The following SLIT2 variants were observed in gnomAD, a reference collection of about 807,000 sequenced individuals.
SLIT2 encodes the protein slit guidance ligand 2, also known as slit homolog 2 protein.
SLIT2 carries 41 observed loss-of-function variants against 185.7 expected under a neutral mutation model. The observed-to-expected ratio is 0.22, with a 90% CI of 0.17 to 0.29. SLIT2 has a LOEUF of 0.29. SLIT2 is among the 10% of genes least tolerant of loss of function. The pLI, the probability that SLIT2 is intolerant of heterozygous loss-of-function variation, is 1.00. For synonymous variants in SLIT2, 693 were observed against 680.2 expected (o/e 1.02, Z -0.29); for missense variants, 1,571 against 1,909.0 (o/e 0.82, Z 3.30).
At position 20,576,638 on chromosome 4, in the gene SLIT2, T is replaced by C. The variant is rs140496614; in HGVS notation, c.3088+7634T>C. 5.0e-3 allele frequency among the ~76,000 whole-genome samples: 766 copies of C among 152,326 alleles called. 9 individuals are homozygous for C. The highest frequency in any genetic ancestry group is 0.017 in the African/African-American group (720 of 41,582). On this transcript the variant is annotated intron_variant, in intron 29 of 36. Transcript: ENST00000504154. Reference sequence around the variant, plus strand: ...GAAACGTTAAGTTGCCATCTGTTTTTACTAGAGAGAATACTTTGGCAGCCT... The same window carrying C: ...GAAACGTTAAGTTGCCATCTGTTTTCACTAGAGAGAATACTTTGGCAGCCT...
intron 4 of SLIT2, among the ~76,000 whole-genome samples, chr4:20,328,413 G>C (rs1183981961): frequency 6.6e-6 from 1 of 151,950 alleles, no homozygotes; most frequent in Non-Finnish European, 1.5e-5. Context: ...CAAATAATTA[G>C]TTTTTGAATT....
chr4:20,586,499 C>T (rs1448414275), intron 29 of SLIT2, among the ~76,000 whole-genome samples: 3 of 152,048 alleles, frequency 2.0e-5, no homozygotes, highest in Non-Finnish European at 2.9e-5. Context: ...ATTTTACAGT[C>T]GAGAAAAGAG....
At chr4:20,617,763 G>A in intron 36 of SLIT2, 113 bp downstream of exon 36, 1 of 698,220 alleles carries the variant, frequency 1.4e-6, no homozygotes, top group East Asian at 2.7e-5. Flanking sequence ...GAGCAACAGA[G>A]ACAGAGAGAG....
chr4:20,315,927 T>G (rs1718537979), intron 4 of SLIT2, among the ~76,000 whole-genome samples: 1 of 152,038 alleles, frequency 6.6e-6, no homozygotes, highest in Non-Finnish European at 1.5e-5. Flanking sequence ...TGAGGGCCAT[T>G]ACATCCACGG....
intron 4 of SLIT2, among the ~76,000 whole-genome samples, chr4:20,408,961 A>T (rs1726988759): frequency 6.6e-6 from 1 of 151,402 alleles, no homozygotes; most frequent in East Asian, 2.0e-4. Context: ...CACCTCCCAT[A>T]TGCACTTGTG....
chr4:20,554,174 A>G (rs756103215), intron 26 of SLIT2: 59 of 607,014 alleles, frequency 9.7e-5, no homozygotes, highest in Non-Finnish European at 1.6e-4. Flanking sequence ...GAAATAGTCC[A>G]TTGGTAATGA....
At chr4:20,567,740 A>G (rs927289054) in intron 28 of SLIT2, 125 bp downstream of exon 28, 1 of 721,898 alleles carries the variant, frequency 1.4e-6, no homozygotes, top group African/African-American at 1.7e-5. Context: ...AAATGGCAAT[A>G]TGTATTGGTC....
chr4:20,471,773 A>G (rs1411055975), intron 5 of SLIT2, among the ~76,000 whole-genome samples: 1 of 152,172 alleles, frequency 6.6e-6, no homozygotes, highest in Non-Finnish European at 1.5e-5. Flanking sequence ...GAAATTTTGC[A>G]GATTAGCAGA....
At chr4:20,294,081 C>T (rs1007757950) in intron 4 of SLIT2, among the ~76,000 whole-genome samples, 1 of 152,012 alleles carries the variant, frequency 6.6e-6, no homozygotes, top group African/African-American at 2.4e-5. Context: ...GGTGTGGTGG[C>T]TCATGCCTGT....
At position 20,330,416 on chromosome 4, in the gene SLIT2, T is replaced by C. The variant is rs545595707; in HGVS notation, c.395+61535T>C. Among the ~76,000 whole-genome samples, 4 of 152,234 alleles carry C rather than the reference T, an allele frequency of 2.6e-5. No individual in the cohort carries two copies. The South Asian group carries it at 8.3e-4, about 32-fold the overall frequency. On this transcript the variant is annotated intron_variant, in intron 4 of 36. Coordinates refer to ENST00000504154, the MANE Select transcript of SLIT2 (RefSeq NM_004787.4). The stretch of plus-strand genomic sequence containing the variant: ...GATGTGGTCGGTGTTAGACTAGCAC[T>C]ATTGTGAATTACTCCTCACTATAAC...
chr4:20,360,209 T>C (rs1285647575), intron 4 of SLIT2, among the ~76,000 whole-genome samples: 1 of 152,160 alleles, frequency 6.6e-6, no homozygotes, highest in Non-Finnish European at 1.5e-5. Context: ...TCAATAAATA[T>C]CAACTGAATA....
intron 4 of SLIT2, among the ~76,000 whole-genome samples, chr4:20,343,048 T>G (rs1161467767): frequency 6.6e-6 from 1 of 152,108 alleles, no homozygotes; most frequent in African/African-American, 2.4e-5. Context: ...GTGTTTAGGG[T>G]ATCCATCACC....
chr4:20,257,040 A>G (rs936771269), intron 2 of SLIT2, among the ~76,000 whole-genome samples: 2 of 152,150 alleles, frequency 1.3e-5, no homozygotes, highest in Admixed American at 6.5e-5. Flanking sequence ...TTTTCACAAA[A>G]TGAATAAGTA....
At chr4:20,338,197 G>A (rs976872208) in intron 4 of SLIT2, among the ~76,000 whole-genome samples, 4 of 152,078 alleles carry the variant, frequency 2.6e-5, no homozygotes, top group East Asian at 3.9e-4. Flanking sequence ...TTTCTTATAA[G>A]GATTTCTCTT....
intron 4 of SLIT2, among the ~76,000 whole-genome samples, chr4:20,466,022 G>A (rs992121720): frequency 6.6e-6 from 1 of 151,830 alleles, no homozygotes; most frequent in African/African-American, 2.4e-5. Flanking sequence ...CATGGAATTG[G>A]CGAAGACAGA....
At chr4:20,556,793 A>G (rs1289618357) in intron 26 of SLIT2, among the ~76,000 whole-genome samples, 1 of 152,132 alleles carries the variant, frequency 6.6e-6, no homozygotes. Context: ...GAGAGACCCA[A>G]AGCTAAGCCT....
At chr4:20,262,647 C>T (rs1344706576) in intron 3 of SLIT2, among the ~76,000 whole-genome samples, 1 of 151,808 alleles carries the variant, frequency 6.6e-6, no homozygotes, top group Non-Finnish European at 1.5e-5. Flanking sequence ...TTAAAGGACA[C>T]ATCAAACTCT....
Position 20,589,676 on chromosome 4 carries a change from G to T in SLIT2, c.3121G>T (p.Ala1041Ser), listed in dbSNP as rs766929042. The T allele has an allele frequency of 9.9e-6, 16 of 1,613,786 alleles. No homozygotes were observed. The highest frequency in any genetic ancestry group is 1.3e-5 in the Non-Finnish European group (15 of 1,179,958). Residue 1041 changes from alanine to serine, a missense_variant, in exon 30 of 37, where the codon GCC becomes TCC. By Grantham distance (99) the Ala-to-Ser change is moderately conservative (BLOSUM62 1). Around this residue, in one of 3 missense-constraint regions of SLIT2, gnomAD observed 1,202 missense variants for 1,416.4 expected, o/e 0.85. Coordinates refer to ENST00000504154, the MANE Select transcript of SLIT2 (RefSeq NM_004787.4). ...GTGTGAGGAGAAGCTGGACTTCTGT[G>T]CCCAGGACCTGAACCCCTGCCAGCA... The part of the protein sequence containing the change: ...ELCEEKLDFC[A>S]QDLNPCQHDS...
intron 26 of SLIT2, among the ~76,000 whole-genome samples, chr4:20,561,070 A>G (rs1194934298): frequency 6.6e-6 from 1 of 151,868 alleles, no homozygotes; most frequent in Non-Finnish European, 1.5e-5. Flanking sequence ...CAGGTCCAAG[A>G]GGCCAACAGG....
Sources: gnomAD v4.1 joint callset for allele counts (sites outside exome capture counted in the v4.1 genomes callset) on GRCh38, gnomAD v4.1.1 for gene constraint, gnomAD v4.1.1 regional missense constraint, MANE v1.5 for transcripts, NCBI Gene and HGNC (gene_info 2026-07-23, HGNC 2026-07-21) for gene names.